CLNS1A: variants seen among roughly 807,000 people sequenced by gnomAD.
CLNS1A encodes the protein methylosome subunit pICln.
A neutral mutation model predicts 29.4 loss-of-function variants in CLNS1A; 16 were observed. That is an observed-to-expected ratio of 0.54 (90% CI 0.37 to 0.83). The LOEUF is 0.83. Ranked by LOEUF, CLNS1A falls within the 40% of genes least tolerant of loss-of-function variation. The pLI is 0.00. For missense variants in CLNS1A, 235 were observed against 287.4 expected (o/e 0.82, Z 1.32); for synonymous variants, 96 against 104.8 (o/e 0.92, Z 0.51).
At chr11:77,637,338 G>GAA (rs57598480) in intron 1 of CLNS1A, among the ~76,000 whole-genome samples, 29 of 107,402 alleles carry the variant, frequency 2.7e-4, no homozygotes, top group Non-Finnish European at 5.2e-4. Flanking sequence ...AGGAAAAAAA[G>GAA]AAAAAAAAAA....
chr11:77,636,828 T>C (rs1219683226), intron 1 of CLNS1A, among the ~76,000 whole-genome samples: 1 of 152,088 alleles, frequency 6.6e-6, no homozygotes, highest in Non-Finnish European at 1.5e-5. Context: ...GATGTGTCAT[T>C]ACAGGCTTCA....
chr11:77,625,544 TA>T (rs1390540113), intron 3 of CLNS1A, 172 bp downstream of exon 3: 2 of 567,060 alleles, frequency 3.5e-6, no homozygotes, highest in African/African-American at 1.9e-5. Context: ...CCTTTGATAT[TA>T]ATAGGTATTT....
intron 1 of CLNS1A, among the ~76,000 whole-genome samples, chr11:77,631,449 T>G (rs1252640180): frequency 2.0e-5 from 3 of 151,502 alleles, no homozygotes; most frequent in African/African-American, 7.3e-5. Flanking sequence ...GCCTCCCCAG[T>G]AGCTGGGACT....
At chr11:77,637,204 G>C (rs1180809713) in intron 1 of CLNS1A, among the ~76,000 whole-genome samples, 2 of 127,882 alleles carry the variant, frequency 1.6e-5, no homozygotes, top group African/African-American at 3.1e-5. Context: ...CGTGCGTTAA[G>C]GGCAACGCAC....
chr11:77,624,033 C>G (rs933235992), intron 4 of CLNS1A, among the ~76,000 whole-genome samples: 1 of 152,190 alleles, frequency 6.6e-6, no homozygotes, highest in African/African-American at 2.4e-5. Context: ...GAGGCCAAGG[C>G]CAGAGGATTG....
At position 77,627,273 on chromosome 11, in the gene CLNS1A, A is replaced by G. The variant is rs1212899591; in HGVS notation, c.263-1455T>C. On this transcript the variant is annotated intron_variant, in intron 2 of 6. Transcript: ENST00000525428. ...ACAGTGAAACCCCAACTCTACTAAA[A>G]TACAAAAAAAAAAAAATTAGCGGGG... Among the ~76,000 whole-genome samples, 4 of 150,910 alleles carry G rather than the reference A, an allele frequency of 2.7e-5. No homozygotes were observed. In the East Asian group the frequency reaches 7.9e-4, roughly 30 times the overall value.
chr11:77,637,162 GA>G (rs1219126818), intron 1 of CLNS1A, among the ~76,000 whole-genome samples: 6 of 142,880 alleles, frequency 4.2e-5, no homozygotes, highest in African/African-American at 1.6e-4. Flanking sequence ...CATCCGGAAA[GA>G]CAGGCACACT....
chr11:77,634,843 G>T (rs1024499918), intron 1 of CLNS1A, among the ~76,000 whole-genome samples: 3 of 152,098 alleles, frequency 2.0e-5, no homozygotes, highest in Non-Finnish European at 4.4e-5. Flanking sequence ...CACCCAGGCT[G>T]GAATGCAGTA....
intron 1 of CLNS1A, among the ~76,000 whole-genome samples, chr11:77,636,956 G>A (rs138928006): frequency 1.3e-5 from 2 of 152,170 alleles, no homozygotes; most frequent in African/African-American, 2.4e-5. Flanking sequence ...AAATAAAAGG[G>A]CAATTCCTTC....
At chr11:77,617,359 C>G (rs1175399775) in intron 6 of CLNS1A, among the ~76,000 whole-genome samples, 2 of 108,408 alleles carry the variant, frequency 1.8e-5, no homozygotes, top group African/African-American at 7.7e-5. Context: ...AAGAGCGAAA[C>G]TCCATCTCAA....
chr11:77,621,159 G>A (rs1444578001), intron 5 of CLNS1A, among the ~76,000 whole-genome samples: 2 of 152,112 alleles, frequency 1.3e-5, no homozygotes, highest in Non-Finnish European at 2.9e-5. Context: ...AGCTGGGCAC[G>A]ATAGTAGTGG....
intron 2 of CLNS1A, among the ~76,000 whole-genome samples, chr11:77,626,295 C>A (rs1959018677): frequency 6.6e-6 from 1 of 152,104 alleles, no homozygotes; most frequent in Non-Finnish European, 1.5e-5. Context: ...GTTGCCCAGG[C>A]TGGTCTGAAA....
intron 5 of CLNS1A, chr11:77,621,746 G>A (rs1958960290): frequency 7.0e-6 from 2 of 284,686 alleles, no homozygotes; most frequent in South Asian, 7.3e-5. Flanking sequence ...TTCTGTGGAG[G>A]TTATTTTTTA....
chr11:77,632,418 T>G (rs1160617691), intron 1 of CLNS1A, among the ~76,000 whole-genome samples: 4 of 152,154 alleles, frequency 2.6e-5, no homozygotes, highest in African/African-American at 9.7e-5. Flanking sequence ...ATAGAATGAG[T>G]GCCTATCAAA....
chr11:77,626,158 G>C (rs906921382), intron 2 of CLNS1A, among the ~76,000 whole-genome samples: 2 of 152,122 alleles, frequency 1.3e-5, no homozygotes. Context: ...TTGTTGCCCA[G>C]ACTGGACACC....
intron 4 of CLNS1A, among the ~76,000 whole-genome samples, chr11:77,624,449 T>C (rs1266363076): frequency 6.6e-6 from 1 of 152,148 alleles, no homozygotes; most frequent in Non-Finnish European, 1.5e-5. Flanking sequence ...TAACAATCTC[T>C]ATTTCTTACA....
At chr11:77,637,378 C>T (rs1196192974) in intron 1 of CLNS1A, among the ~76,000 whole-genome samples, 7 of 147,928 alleles carry the variant, frequency 4.7e-5, no homozygotes, top group African/African-American at 1.7e-4. Flanking sequence ...AGGGGAAATT[C>T]CGGCCGGAGA....
chr11:77,617,494 T>C (rs771055809), intron 6 of CLNS1A, among the ~76,000 whole-genome samples: 2 of 149,936 alleles, frequency 1.3e-5, no homozygotes, highest in African/African-American at 2.5e-5. Flanking sequence ...ATGAACCAAG[T>C]TGCGCCACTG....
rs1959139327 is a variant in CLNS1A, at chr11:77,637,275, AAAGAAAGAAAAGAAG to A, written c.125+300_125+314del. Among the ~76,000 whole-genome samples, 3 of 142,322 alleles carry A rather than the reference AAAGAAAGAAAAGAAG, an allele frequency of 2.1e-5. No individual in the cohort carries two copies. In the South Asian group the frequency reaches 6.6e-4, roughly 32 times the overall value. 93.4% of individuals were successfully genotyped at this position (142,322 alleles called of 152,430 possible). On this transcript the variant is annotated intron_variant, in intron 1 of 6. Coordinates refer to ENST00000525428, the MANE Select transcript of CLNS1A (RefSeq NM_001293.3). ...AAAAAAAAAAGAAAATAAAAGAAAG[AAAGAAAGAAAAGAAG>A]AAGAAAGAAAGAGAGAAAGAGACAG...
Sources: gnomAD v4.1 joint callset for allele counts (sites outside exome capture counted in the v4.1 genomes callset) on GRCh38, gnomAD v4.1.1 for gene constraint, MANE v1.5 for transcripts, NCBI Gene and HGNC (gene_info 2026-07-23, HGNC 2026-07-21) for gene names.